Variants in CDH13 observed in about 807,000 individuals in gnomAD.
The protein encoded by CDH13 is cadherin-13.
CDH13 carries 24 observed loss-of-function variants against 63.8 expected under a neutral mutation model. The ratio of observed to expected loss-of-function variants is 0.38; its 90% CI spans 0.27 to 0.53. The LOEUF (loss-of-function observed/expected upper bound fraction) is 0.53, where lower values mean the gene tolerates loss of function less well. CDH13 is among the 20% of genes least tolerant of loss of function. CDH13 has a pLI of 0.85. For missense variants in CDH13, 1,049 were observed against 903.1 expected, an observed-to-expected ratio of 1.16 and a Z score of -2.07; for synonymous variants, 503 against 355.3, an observed-to-expected ratio of 1.42 and a Z score of -4.67.
At chr16:83,765,972 T>C (rs1914353145) in intron 11 of CDH13, among the ~76,000 whole-genome samples, 2 of 152,146 alleles carry the variant, frequency 1.3e-5, no homozygotes. Flanking sequence ...TAGAGGGAAT[T>C]TGGGGCCATA....
chr16:83,546,704 C>T (rs908154219), intron 7 of CDH13, among the ~76,000 whole-genome samples: 1 of 152,140 alleles, frequency 6.6e-6, no homozygotes, highest in African/African-American at 2.4e-5. Flanking sequence ...TGTTTAGCTT[C>T]TCTTTCCCTG....
At chr16:83,610,754 T>G (rs1908786367) in intron 8 of CDH13, among the ~76,000 whole-genome samples, 1 of 152,156 alleles carries the variant, frequency 6.6e-6, no homozygotes, top group South Asian at 2.1e-4. Context: ...TGGGGATAAT[T>G]TAGGTAATAG....
intron 7 of CDH13, among the ~76,000 whole-genome samples, chr16:83,488,331 G>C (rs1057410048): frequency 1.3e-5 from 2 of 152,128 alleles, no homozygotes; most frequent in Non-Finnish European, 2.9e-5. Flanking sequence ...GCCTAGCATG[G>C]TTGAAGTACT....
chr16:82,834,763 G>T (rs2038695331), intron 1 of CDH13, among the ~76,000 whole-genome samples: 1 of 152,184 alleles, frequency 6.6e-6, no homozygotes, highest in African/African-American at 2.4e-5. Context: ...ACAATATTAT[G>T]CTCTGGAAAG....
intron 1 of CDH13, among the ~76,000 whole-genome samples, chr16:82,737,669 A>G (rs1270860548): frequency 1.3e-5 from 2 of 152,236 alleles, no homozygotes; most frequent in Non-Finnish European, 2.9e-5. Context: ...CCCCAGACAC[A>G]GAGATTTGGC....
At chr16:82,650,276 G>A (rs1910574816) in intron 1 of CDH13, among the ~76,000 whole-genome samples, 1 of 152,202 alleles carries the variant, frequency 6.6e-6, no homozygotes, top group Non-Finnish European at 1.5e-5. Context: ...AACAGAGGCT[G>A]TTCAATAAAG....
chr16:83,262,669 T>C (rs559085804), intron 5 of CDH13, among the ~76,000 whole-genome samples: 3 of 152,140 alleles, frequency 2.0e-5, no homozygotes, highest in African/African-American at 7.2e-5. Flanking sequence ...TAAAGAAATA[T>C]GAAAAAATGG....
intron 5 of CDH13, among the ~76,000 whole-genome samples, chr16:83,227,427 A>G (rs150098300): frequency 2.0e-5 from 3 of 152,236 alleles, no homozygotes; most frequent in African/African-American, 4.8e-5. Flanking sequence ...TACCTGGGGA[A>G]TAATGTTGTG....
At chr16:82,874,006 C>T (rs1305559231) in intron 2 of CDH13, among the ~76,000 whole-genome samples, 1 of 151,894 alleles carries the variant, frequency 6.6e-6, no homozygotes, top group Admixed American at 6.6e-5. Flanking sequence ...ATTAGTACTC[C>T]CAATTTTAGG....
At chr16:83,494,742 C>A (rs1405356953) in intron 7 of CDH13, among the ~76,000 whole-genome samples, 1 of 152,198 alleles carries the variant, frequency 6.6e-6, no homozygotes, top group Non-Finnish European at 1.5e-5. Flanking sequence ...TAGACCATTT[C>A]AAGACATGAT....
chr16:83,396,143 C>T (rs1380139159), intron 6 of CDH13, among the ~76,000 whole-genome samples: 1 of 152,158 alleles, frequency 6.6e-6, no homozygotes, highest in African/African-American at 2.4e-5. Context: ...TTTATGGCTG[C>T]ATAGTATTCC....
chr16:83,231,415 T>C (rs899692504), intron 5 of CDH13, among the ~76,000 whole-genome samples: 1 of 152,114 alleles, frequency 6.6e-6, no homozygotes, highest in Admixed American at 6.5e-5. Context: ...GGAGTCAGGA[T>C]TGGGGTGAGG....
intron 2 of CDH13, among the ~76,000 whole-genome samples, chr16:83,003,444 G>A (rs537495799): frequency 3.3e-5 from 5 of 152,052 alleles, no homozygotes; most frequent in African/African-American, 7.2e-5. Context: ...GGGACAGTAT[G>A]GAAAATGCTG....
chr16:82,847,238 C>T lies in CDH13; in HGVS notation c.46-11124C>T, dbSNP rs868642325. The stretch of plus-strand genomic sequence containing the variant: ...CCCAATGGCTGCTGTAACAAATGAC[C>T]ACAAATTTAGCAATTTAAAACGAAC... On this transcript the variant is annotated intron_variant, in intron 1 of 13. Coordinates refer to ENST00000567109, the MANE Select transcript of CDH13 (RefSeq NM_001257.5). 1.6e-4 allele frequency among the ~76,000 whole-genome samples: 24 copies of T among 152,284 alleles called. 1 individual carries two copies. Among genetic ancestry groups the T allele is most frequent in the Non-Finnish European group, 2.8e-4 (19 of 68,032 alleles).
At chr16:83,582,212 G>C (rs1905679646) in intron 7 of CDH13, among the ~76,000 whole-genome samples, 1 of 152,168 alleles carries the variant, frequency 6.6e-6, no homozygotes, top group Non-Finnish European at 1.5e-5. Context: ...ACTTCTGCAG[G>C]GCAATGCTGG....
intron 1 of CDH13, among the ~76,000 whole-genome samples, chr16:82,630,520 C>G (rs1427836208): frequency 2.0e-5 from 3 of 152,178 alleles, no homozygotes; most frequent in East Asian, 3.9e-4. Context: ...TAAGTAAAAT[C>G]TGTTTACTTC....
At chr16:83,466,955 G>A (rs945995777) in intron 6 of CDH13, among the ~76,000 whole-genome samples, 3 of 152,006 alleles carry the variant, frequency 2.0e-5, no homozygotes, top group Admixed American at 1.3e-4. Context: ...CTAGACTGCC[G>A]ACTAACTTCT....
chr16:82,761,017 C>CTTTTTT lies in CDH13; in HGVS notation c.46-97321_46-97316dup, dbSNP rs35038319. On this transcript the variant is annotated intron_variant, in intron 1 of 13. Transcript: ENST00000567109. ...CTCTGGGGTTCACATTTCTTTCTTT[C>CTTTTTT]TTTTTTTTTTTTTTTTTTTTTTTTT... Among the ~76,000 whole-genome samples, 251 of 40,462 alleles carry CTTTTTT rather than the reference C, an allele frequency of 6.2e-3. 57 individuals carry two copies. The highest frequency in any genetic ancestry group is 7.2e-3 in the Non-Finnish European group (158 of 21,878). The allele number at this position is 40,462 out of a possible 152,430, so 26.5% of individuals were successfully genotyped here.
At chr16:82,897,907 T>G (rs565000696) in intron 2 of CDH13, among the ~76,000 whole-genome samples, 2 of 152,232 alleles carry the variant, frequency 1.3e-5, no homozygotes, top group Non-Finnish European at 2.9e-5. Context: ...ATCAAACTCC[T>G]TTGCATGCCA....
Sources: gnomAD v4.1 joint callset for allele counts (sites outside exome capture counted in the v4.1 genomes callset) on GRCh38, gnomAD v4.1.1 for gene constraint, MANE v1.5 for transcripts, NCBI Gene and HGNC (gene_info 2026-07-23, HGNC 2026-07-21) for gene names.